Variants in VOPP1 observed in about 807,000 individuals in gnomAD.
The protein encoded by VOPP1 is WW domain binding protein VOPP1.
Under a neutral mutation model 23.5 loss-of-function variants are expected in VOPP1, and 8 were observed. The observed-to-expected ratio is 0.34, with a 90% CI of 0.20 to 0.61. The LOEUF is 0.61. Ranked by LOEUF, VOPP1 falls within the 20% of genes least tolerant of loss-of-function variation. The probability of loss-of-function intolerance (pLI) is 0.78; values close to 1 mark genes in which losing one functional copy is unlikely to be tolerated. For synonymous variants in VOPP1, 83 were observed against 97.3 expected (o/e 0.85, Z 0.86); for missense variants, 174 against 238.1 (o/e 0.73, Z 1.77).
At chr7:55,505,118 T>C (rs1794624117) in intron 2 of VOPP1, among the ~76,000 whole-genome samples, 1 of 152,236 alleles carries the variant, frequency 6.6e-6, no homozygotes, top group East Asian at 1.9e-4. Context: ...TCCAGTTTTC[T>C]GTCACTGACA....
At chr7:55,435,547 A>C (rs1198918766), downstream of VOPP1, among the ~76,000 whole-genome samples, 1 of 152,176 alleles carries the variant, frequency 6.6e-6, no homozygotes, top group Non-Finnish European at 1.5e-5. Context: ...CTGTGGGCAT[A>C]GGAAGTGGTG....
At chr7:55,463,374 A>G (rs978572481) in intron 4 of VOPP1, among the ~76,000 whole-genome samples, 2 of 152,048 alleles carry the variant, frequency 1.3e-5, no homozygotes, top group East Asian at 3.8e-4. Context: ...TTACACTCAT[A>G]TTTGTGCATC....
chr7:55,490,285 T>C (rs995115473), intron 4 of VOPP1, among the ~76,000 whole-genome samples: 4 of 152,140 alleles, frequency 2.6e-5, no homozygotes, highest in African/African-American at 9.7e-5. Flanking sequence ...ATAAGGGATG[T>C]GGCAGATCTA....
At position 55,475,080 on chromosome 7, in the gene VOPP1, T is replaced by C. The variant is rs151241376; in HGVS notation, c.329-2035A>G. Among the ~76,000 whole-genome samples, 3 of 152,230 alleles carry C rather than the reference T, an allele frequency of 2.0e-5. No homozygotes were observed. The East Asian group carries it at 5.8e-4, about 29-fold the overall frequency. On this transcript the variant is annotated intron_variant, in intron 4 of 4. Coordinates refer to ENST00000285279, the MANE Select transcript of VOPP1 (RefSeq NM_030796.5). ...AACAGTCCAGGGTGTGGGTGAAGAC[T>C]GTAGGAGGGGACGGGTGGCAGCTGG...
At chr7:55,469,074 G>A (rs1791708613), downstream of VOPP1, among the ~76,000 whole-genome samples, 1 of 152,152 alleles carries the variant, frequency 6.6e-6, no homozygotes, top group Non-Finnish European at 1.5e-5. Flanking sequence ...GTTTATGAGT[G>A]TTCACGGTAA....
At chr7:55,529,316 G>C (rs1451495107) in intron 1 of VOPP1, among the ~76,000 whole-genome samples, 2 of 148,754 alleles carry the variant, frequency 1.3e-5, no homozygotes, top group Non-Finnish European at 3.0e-5. Context: ...AGTGAGCTGA[G>C]ATGGCGCCAC....
intron 1 of VOPP1, among the ~76,000 whole-genome samples, chr7:55,549,916 C>A (rs546101880): frequency 6.6e-6 from 1 of 152,328 alleles, no homozygotes; most frequent in African/African-American, 2.4e-5. Flanking sequence ...CTTTTTCCCA[C>A]CCCCATCCCC....
intron 4 of VOPP1, among the ~76,000 whole-genome samples, chr7:55,457,188 A>C (rs936739181): frequency 6.6e-6 from 1 of 152,076 alleles, no homozygotes; most frequent in Non-Finnish European, 1.5e-5. Context: ...ACAACATGTG[A>C]TATTTGTTTT....
At chr7:55,535,842 T>C (rs1409422787) in intron 1 of VOPP1, among the ~76,000 whole-genome samples, 1 of 152,162 alleles carries the variant, frequency 6.6e-6, no homozygotes, top group Non-Finnish European at 1.5e-5. Flanking sequence ...CAGGATGCAG[T>C]TGGGGCACTG....
chr7:55,447,490 G>A (rs747681842), intron 4 of VOPP1, among the ~76,000 whole-genome samples: 6 of 152,190 alleles, frequency 3.9e-5, no homozygotes, highest in Non-Finnish European at 8.8e-5. Context: ...GGGAGAGACT[G>A]ACCCCAGAGT....
At chr7:55,508,593 TTCTGGGGTAGAGGTTTTCCC>T (rs1378653788) in intron 2 of VOPP1, among the ~76,000 whole-genome samples, 1 of 152,202 alleles carries the variant, frequency 6.6e-6, no homozygotes, top group Non-Finnish European at 1.5e-5. Context: ...ACCTTTGTGT[TTCTGGGGTAGAGGTTTTCCC>T]TCTTTCTCCT....
intron 4 of VOPP1, among the ~76,000 whole-genome samples, chr7:55,439,042 G>T (rs549917996): frequency 2.0e-5 from 3 of 152,210 alleles, no homozygotes; most frequent in African/African-American, 7.2e-5. Context: ...CCGGTTGTAC[G>T]CACATTGAGT....
chr7:55,474,146 G>A (rs1324579353), intron 4 of VOPP1, among the ~76,000 whole-genome samples: 2 of 152,238 alleles, frequency 1.3e-5, no homozygotes, highest in East Asian at 1.9e-4. Flanking sequence ...CACCCTGTGT[G>A]AGAGGCTGCC....
At chr7:55,568,552 T>TTGGTGA (rs934744119) in intron 1 of VOPP1, among the ~76,000 whole-genome samples, 1 of 152,246 alleles carries the variant, frequency 6.6e-6, no homozygotes, top group Non-Finnish European at 1.5e-5. Flanking sequence ...GGCACTGGTA[T>TTGGTGA]TGGTGAGTTT....
intron 1 of VOPP1, among the ~76,000 whole-genome samples, chr7:55,566,499 T>C (rs1584134945): frequency 6.6e-6 from 1 of 151,940 alleles, no homozygotes; most frequent in Non-Finnish European, 1.5e-5. Context: ...AAGGAAGAGG[T>C]TGCAGTGAGC....
At chr7:55,543,081 A>T (rs904753384) in intron 1 of VOPP1, among the ~76,000 whole-genome samples, 1 of 151,656 alleles carries the variant, frequency 6.6e-6, no homozygotes, top group African/African-American at 2.4e-5. Context: ...ACGCCCGGCT[A>T]ATTTTTTGTG....
chr7:55,537,610 C>G, intron 1 of VOPP1: 1 of 1,534,990 alleles, frequency 6.5e-7, no homozygotes, highest in South Asian at 1.2e-5. Context: ...TCACACGCAG[C>G]CCTCCAATAC....
At chr7:55,551,415 T>C (rs1242480406) in intron 1 of VOPP1, among the ~76,000 whole-genome samples, 1 of 152,096 alleles carries the variant, frequency 6.6e-6, no homozygotes, top group African/African-American at 2.4e-5. Context: ...CAAAATGCTT[T>C]CCCTTCAAAA....
intron 4 of VOPP1, among the ~76,000 whole-genome samples, chr7:55,444,667 C>A (rs1039473407): frequency 2.6e-5 from 4 of 152,124 alleles, no homozygotes; most frequent in African/African-American, 9.7e-5. Flanking sequence ...GTGGCATCAG[C>A]CTCTGCTCAG....
Sources: gnomAD v4.1 joint callset for allele counts (sites outside exome capture counted in the v4.1 genomes callset) on GRCh38, gnomAD v4.1.1 for gene constraint, MANE v1.5 for transcripts, NCBI Gene and HGNC (gene_info 2026-07-23, HGNC 2026-07-21) for gene names.